The following POFUT3 variants were observed in gnomAD, a reference collection of about 807,000 sequenced individuals.
POFUT3 encodes the protein protein O-fucosyltransferase 3.
At chr8:33,455,745 C>T in the POFUT3 span, 5 of 451,184 alleles carry the variant, frequency 1.1e-5, no homozygotes, top group African/African-American at 2.0e-5. Flanking sequence ...CCTCAGGTCC[C>T]GCTTTTAGCA....
At chr8:33,458,004 C>T in the POFUT3 span, among the ~76,000 whole-genome samples, 1 of 152,110 alleles carries the variant, frequency 6.6e-6, no homozygotes, top group Non-Finnish European at 1.5e-5. Flanking sequence ...AGTTGAAGTC[C>T]TTACTCCCAG....
At chr8:33,452,944 T>C in the POFUT3 span, 1 of 384,964 alleles carries the variant, frequency 2.6e-6, no homozygotes, top group Non-Finnish European at 4.6e-6. Flanking sequence ...CTTTGCTTCA[T>C]CTCAAAGCAC....
At chr8:33,439,103 T>C in the POFUT3 span, among the ~76,000 whole-genome samples, 8 of 152,284 alleles carry the variant, frequency 5.3e-5, no homozygotes, top group African/African-American at 1.9e-4. Flanking sequence ...TTCCACTTAT[T>C]GAATAGAAAC....
the POFUT3 span, among the ~76,000 whole-genome samples, chr8:33,373,036 C>G: frequency 6.6e-6 from 1 of 152,024 alleles, no homozygotes; most frequent in Non-Finnish European, 1.5e-5. Context: ...ATAAATTGCC[C>G]CAAACAGTAT....
chr8:33,311,011 C>G, the POFUT3 span, among the ~76,000 whole-genome samples: 6 of 152,214 alleles, frequency 3.9e-5, no homozygotes, highest in Admixed American at 3.3e-4. Context: ...AAAGCATTCG[C>G]TTTATCTTGG....
chr8:33,418,640 A>G, the POFUT3 span, among the ~76,000 whole-genome samples: 3 of 152,110 alleles, frequency 2.0e-5, no homozygotes, highest in Non-Finnish European at 4.4e-5. Flanking sequence ...TGGAAATGTG[A>G]GTACAGCCAC....
the POFUT3 span, among the ~76,000 whole-genome samples, chr8:33,369,501 G>C: frequency 6.6e-6 from 1 of 152,142 alleles, no homozygotes; most frequent in East Asian, 1.9e-4. Flanking sequence ...CTCCAGAACT[G>C]TGAGCAATAA....
chr8:33,404,210 TGCCTGTAATCCCAGTTACTTGG>T, the POFUT3 span, among the ~76,000 whole-genome samples: 1 of 152,028 alleles, frequency 6.6e-6, no homozygotes, highest in Non-Finnish European at 1.5e-5. Flanking sequence ...TGGTGGTGCA[TGCCTGTAATCCCAGTTACTTGG>T]GAGGCTGAGG....
the POFUT3 span, among the ~76,000 whole-genome samples, chr8:33,457,913 A>T: frequency 6.6e-6 from 1 of 152,020 alleles, no homozygotes; most frequent in African/African-American, 2.4e-5. Flanking sequence ...TAATATTTTC[A>T]TGTTTAGATT....
At chr8:33,314,247 C>A in the POFUT3 span, among the ~76,000 whole-genome samples, 1 of 152,166 alleles carries the variant, frequency 6.6e-6, no homozygotes, top group African/African-American at 2.4e-5. Context: ...TGCAGCCTCT[C>A]CAACTGAGGG....
chr8:33,317,429 G>T, the POFUT3 span, among the ~76,000 whole-genome samples: 1 of 152,082 alleles, frequency 6.6e-6, no homozygotes, highest in Non-Finnish European at 1.5e-5. Flanking sequence ...TTTAGACAAA[G>T]CTTCACTTCC....
chr8:33,435,903 C>T, the POFUT3 span, among the ~76,000 whole-genome samples: 1 of 151,734 alleles, frequency 6.6e-6, no homozygotes, highest in Non-Finnish European at 1.5e-5. Context: ...AAGTGATCAA[C>T]TCTATAGGTC....
chr8:33,415,079 T>A, the POFUT3 span, among the ~76,000 whole-genome samples: 2 of 151,472 alleles, frequency 1.3e-5, no homozygotes, highest in Non-Finnish European at 2.9e-5. Flanking sequence ...CTGGCCAACA[T>A]GGTGAAACCC....
At chr8:33,365,704 A>T in the POFUT3 span, among the ~76,000 whole-genome samples, 3 of 152,240 alleles carry the variant, frequency 2.0e-5, no homozygotes, top group African/African-American at 7.2e-5. Flanking sequence ...AACCACAATG[A>T]GATACCATCT....
At chr8:33,467,730 T>A in the POFUT3 span, among the ~76,000 whole-genome samples, 1 of 152,268 alleles carries the variant, frequency 6.6e-6, no homozygotes, top group East Asian at 1.9e-4. Flanking sequence ...TAATTCCAAA[T>A]TTTCAACTGT....
chr8:33,400,253 ACCAGCCTGG>A, the POFUT3 span, among the ~76,000 whole-genome samples: 4 of 151,344 alleles, frequency 2.6e-5, no homozygotes. Context: ...GGAATTCGAG[ACCAGCCTGG>A]CCAAGATGGT....
the POFUT3 span, among the ~76,000 whole-genome samples, chr8:33,395,891 G>A: frequency 6.6e-6 from 1 of 152,092 alleles, no homozygotes; most frequent in Non-Finnish European, 1.5e-5. Flanking sequence ...TGGAGGCCAA[G>A]TAAACAAGTA....
the POFUT3 span, among the ~76,000 whole-genome samples, chr8:33,422,278 C>A: frequency 6.6e-6 from 1 of 151,364 alleles, no homozygotes; most frequent in African/African-American, 2.4e-5. Context: ...CGCGGTGGTT[C>A]CCGCCTGTAA....
chr8:33,377,025 G>A, the POFUT3 span, among the ~76,000 whole-genome samples: 17 of 152,120 alleles, frequency 1.1e-4, no homozygotes, highest in Non-Finnish European at 2.1e-4. Context: ...GAGGTCAAGA[G>A]TTCGAGACCA....
Sources: gnomAD v4.1 joint callset for allele counts (sites outside exome capture counted in the v4.1 genomes callset) on GRCh38, gnomAD v4.1.1 for gene constraint, MANE v1.5 for transcripts, NCBI Gene and HGNC (gene_info 2026-07-23, HGNC 2026-07-21) for gene names.